Variants in FGF12 observed in about 807,000 individuals in gnomAD.
The protein encoded by FGF12 is fibroblast growth factor 12.
A neutral mutation model predicts 23.6 loss-of-function variants in FGF12; 14 were observed. The observed-to-expected ratio is 0.59, with a 90% CI of 0.39 to 0.93. FGF12 has a LOEUF of 0.93. Ranked by LOEUF, FGF12 falls within the 40% of genes least tolerant of loss-of-function variation. FGF12 has a pLI of 0.00. For synonymous variants in FGF12, 62 were observed against 77.3 expected, an observed-to-expected ratio of 0.80 and a Z score of 1.04; for missense variants, 175 against 217.8, an observed-to-expected ratio of 0.80 and a Z score of 1.24.
intron 2 of FGF12, among the ~76,000 whole-genome samples, chr3:192,721,902 G>A (rs1560205821): frequency 6.6e-6 from 1 of 152,154 alleles, no homozygotes; most frequent in Non-Finnish European, 1.5e-5. Context: ...ATTAATCACT[G>A]TAAGACTTTA....
intron 4 of FGF12, among the ~76,000 whole-genome samples, chr3:192,195,920 C>G (rs1287790581): frequency 2.0e-5 from 3 of 152,166 alleles, no homozygotes; most frequent in Non-Finnish European, 1.5e-5. Flanking sequence ...TCTTCTTTAA[C>G]TACAGTCACC....
At chr3:192,494,722 A>G (rs1723895639) in intron 2 of FGF12, among the ~76,000 whole-genome samples, 1 of 152,106 alleles carries the variant, frequency 6.6e-6, no homozygotes, top group South Asian at 2.1e-4. Context: ...CTCATTTGTG[A>G]TTTATTTAAT....
At chr3:192,713,241 G>A (rs1718752684) in intron 2 of FGF12, among the ~76,000 whole-genome samples, 1 of 152,168 alleles carries the variant, frequency 6.6e-6, no homozygotes, top group African/African-American at 2.4e-5. Context: ...GCATGTTGTG[G>A]TAAGAATGTG....
chr3:192,237,917 T>A (rs1719385713), intron 4 of FGF12: 1 of 152,242 alleles, frequency 6.6e-6, no homozygotes, highest in African/African-American at 2.4e-5. Flanking sequence ...TTAAGAATCA[T>A]TAGAGTTCTT....
At chr3:192,299,689 A>G (rs539952491) in intron 4 of FGF12, among the ~76,000 whole-genome samples, 1 of 152,296 alleles carries the variant, frequency 6.6e-6, no homozygotes, top group African/African-American at 2.4e-5. Flanking sequence ...AAAATGTTCT[A>G]TAAATTCTTG....
intron 2 of FGF12, among the ~76,000 whole-genome samples, chr3:192,421,116 A>G (rs1190284495): frequency 6.6e-6 from 1 of 152,168 alleles, no homozygotes; most frequent in Non-Finnish European, 1.5e-5. Context: ...CTGCTTGACA[A>G]TGTTTAACTG....
rs1201027261 is a variant in FGF12, at chr3:192,461,886, A to AG, written c.14-101349dup. 3.9e-5 allele frequency among the ~76,000 whole-genome samples: 6 copies of AG among 152,158 alleles called. No homozygotes were observed. The East Asian group carries it at 1.2e-3, about 30-fold the overall frequency. On this transcript the variant is annotated intron_variant, in intron 2 of 5. Coordinates refer to ENST00000445105, the MANE Select transcript of FGF12 (RefSeq NM_004113.6). The stretch of plus-strand genomic sequence containing the variant: ...GTGCCTGTAATTCCAGCTACTCGGG[A>AG]GGCTGAGGCAGGAGAATCGCTTGAA...
intron 2 of FGF12, among the ~76,000 whole-genome samples, chr3:192,557,265 AT>A (rs34519806): frequency 1.3e-5 from 2 of 149,470 alleles, no homozygotes; most frequent in South Asian, 2.1e-4. Context: ...AAAATTAAGA[AT>A]TTTTTTTTGA....
At chr3:192,167,587 T>G (rs1288675318) in intron 5 of FGF12, among the ~76,000 whole-genome samples, 2 of 151,280 alleles carry the variant, frequency 1.3e-5, no homozygotes, top group African/African-American at 4.9e-5. Context: ...GCTGTTAATA[T>G]GAGTTTGTGT....
At chr3:192,436,486 G>A (rs1019218144) in intron 2 of FGF12, among the ~76,000 whole-genome samples, 16 of 152,216 alleles carry the variant, frequency 1.1e-4, no homozygotes, top group African/African-American at 3.9e-4. Flanking sequence ...TGCTGCCGAT[G>A]CTGCTGATGT....
chr3:192,325,189 T>C lies in FGF12; in HGVS notation c.228+10172A>G, dbSNP rs1716753053. ...ACAGAATTCCATATTTTCTTTCTTTTTTTAACTGAAAAAATTTCCAGTTCA... is the reference window on the plus strand; with the variant it reads ...ACAGAATTCCATATTTTCTTTCTTTCTTTAACTGAAAAAATTTCCAGTTCA... On this transcript the variant is annotated intron_variant, in intron 4 of 5. Transcript: ENST00000445105. 1.3e-5 allele frequency among the ~76,000 whole-genome samples: 2 copies of C among 152,198 alleles called. 1 individual carries two copies. The highest frequency in any genetic ancestry group is 2.9e-5 in the Non-Finnish European group (2 of 68,028).
chr3:192,490,947 C>T (rs115249972), intron 2 of FGF12, among the ~76,000 whole-genome samples: 1,626 of 152,162 alleles, frequency 0.011, 18 homozygotes, highest in South Asian at 0.031. Flanking sequence ...TTCTAATCTA[C>T]GTCATAGTCA....
chr3:192,383,519 TA>T (rs71841026), intron 2 of FGF12, among the ~76,000 whole-genome samples: 72,266 of 142,666 alleles, frequency 0.51, 18,256 homozygotes, highest in African/African-American at 0.62. Context: ...GATTCTGATT[TA>T]AAAAAAAAAA....
At chr3:192,719,567 G>C (rs1228898453) in intron 2 of FGF12, among the ~76,000 whole-genome samples, 1 of 152,028 alleles carries the variant, frequency 6.6e-6, no homozygotes, top group Non-Finnish European at 1.5e-5. Flanking sequence ...TTAAATCCCA[G>C]AAGAAAGAAG....
At chr3:192,609,464 G>A (rs1418440814) in intron 2 of FGF12, among the ~76,000 whole-genome samples, 2 of 152,056 alleles carry the variant, frequency 1.3e-5, no homozygotes, top group Non-Finnish European at 1.5e-5. Context: ...TGCCTTATAC[G>A]GCTGTTGCCT....
chr3:192,706,552 T>C (rs996238549), intron 2 of FGF12, among the ~76,000 whole-genome samples: 2 of 152,106 alleles, frequency 1.3e-5, no homozygotes, highest in Non-Finnish European at 2.9e-5. Flanking sequence ...GCAGAAACAA[T>C]TGGGAGTAGT....
chr3:192,658,743 A>T (rs1716540604), intron 2 of FGF12, among the ~76,000 whole-genome samples: 1 of 131,750 alleles, frequency 7.6e-6, no homozygotes, highest in Non-Finnish European at 1.6e-5. Context: ...TTTTTAAAAA[A>T]CCTCATTTGC....
At chr3:192,261,988 C>T (rs1712785552) in intron 4 of FGF12, among the ~76,000 whole-genome samples, 1 of 152,138 alleles carries the variant, frequency 6.6e-6, no homozygotes, top group Non-Finnish European at 1.5e-5. Flanking sequence ...GAGGTGCCCC[C>T]TTAGTACTCG....
chr3:192,522,864 T>C (rs1035387595), intron 2 of FGF12, among the ~76,000 whole-genome samples: 1 of 152,210 alleles, frequency 6.6e-6, no homozygotes, highest in Non-Finnish European at 1.5e-5. Context: ...AATAAGAATG[T>C]GCATACGTTC....
Sources: gnomAD v4.1 joint callset for allele counts (sites outside exome capture counted in the v4.1 genomes callset) on GRCh38, gnomAD v4.1.1 for gene constraint, MANE v1.5 for transcripts, NCBI Gene and HGNC (gene_info 2026-07-23, HGNC 2026-07-21) for gene names.